NTN4: variants seen among roughly 807,000 people sequenced by gnomAD.
The protein encoded by NTN4 is netrin 4.
In NTN4, 32 loss-of-function variants were observed where a neutral mutation model predicts 73.6. That is an observed-to-expected ratio of 0.44 (90% CI 0.33 to 0.58). The LOEUF is 0.58. NTN4 is among the 20% of genes least tolerant of loss of function. The pLI, the probability that NTN4 is intolerant of heterozygous loss-of-function variation, is 0.04. For missense variants in NTN4, 654 were observed against 798.3 expected (o/e 0.82, Z 2.18); for synonymous variants, 258 against 287.5 (o/e 0.90, Z 1.04).
chr12:95,716,048 A>G (rs1243725595), intron 3 of NTN4, among the ~76,000 whole-genome samples: 1 of 151,216 alleles, frequency 6.6e-6, no homozygotes, highest in African/African-American at 2.4e-5. Context: ...TAGTAGGAAA[A>G]ACAGTTTTGT....
chr12:95,668,275 T>C (rs1020095399), intron 8 of NTN4, among the ~76,000 whole-genome samples: 1 of 152,106 alleles, frequency 6.6e-6, no homozygotes, highest in Non-Finnish European at 1.5e-5. Flanking sequence ...TCTTCTTAAG[T>C]AGAAAATTAA....
intron 7 of NTN4, chr12:95,672,589 G>T: frequency 1.3e-6 from 2 of 1,525,724 alleles, no homozygotes; most frequent in South Asian, 2.2e-5. Flanking sequence ...ATGGGGGTCT[G>T]ACCGATCTCG....
chr12:95,708,751 G>A (rs1374098655), intron 5 of NTN4, among the ~76,000 whole-genome samples: 1 of 152,030 alleles, frequency 6.6e-6, no homozygotes, highest in African/African-American at 2.4e-5. Context: ...CAGGCAATGT[G>A]CCATCTCTTT....
At chr12:95,721,586 T>G (rs1463097609) in intron 3 of NTN4, among the ~76,000 whole-genome samples, 1 of 152,132 alleles carries the variant, frequency 6.6e-6, no homozygotes, top group Non-Finnish European at 1.5e-5. Flanking sequence ...TAATTAAAGA[T>G]TTGCTCTTTG....
At chr12:95,720,760 G>A (rs1029633188) in intron 3 of NTN4, among the ~76,000 whole-genome samples, 3 of 152,174 alleles carry the variant, frequency 2.0e-5, no homozygotes, top group African/African-American at 7.2e-5. Context: ...GTCCTCATGC[G>A]TAGTGGTCAT....
intron 3 of NTN4, among the ~76,000 whole-genome samples, chr12:95,714,846 ATT>A (rs2078593783): frequency 6.6e-6 from 1 of 152,204 alleles, no homozygotes; most frequent in African/African-American, 2.4e-5. Context: ...CATCTAAAAT[ATT>A]TTGATTGTGA....
At chr12:95,686,156 G>A (rs1346684649) in intron 5 of NTN4, among the ~76,000 whole-genome samples, 1 of 152,122 alleles carries the variant, frequency 6.6e-6, no homozygotes, top group Non-Finnish European at 1.5e-5. Flanking sequence ...CCTCCCAAGT[G>A]CTGGGATTAC....
chr12:95,758,088 C>T (rs376532011), intron 2 of NTN4, among the ~76,000 whole-genome samples: 90 of 152,234 alleles, frequency 5.9e-4, no homozygotes, highest in African/African-American at 2.0e-3. Context: ...AGTTATTTTT[C>T]GTGGGTACTT....
At chr12:95,737,794 A>C in intron 3 of NTN4, 72 bp downstream of exon 3, 2 of 1,485,704 alleles carry the variant, frequency 1.3e-6, no homozygotes, top group African/African-American at 2.8e-5. Flanking sequence ...TGTTAAGCAT[A>C]TACCAACCAA....
intron 2 of NTN4, among the ~76,000 whole-genome samples, chr12:95,754,694 AC>A (rs2078936082): frequency 6.6e-6 from 1 of 151,294 alleles, no homozygotes; most frequent in African/African-American, 2.4e-5. Flanking sequence ...TGTGACCCCT[AC>A]CCCTGCCCAC....
At chr12:95,679,990 C>T (rs77545413) in intron 7 of NTN4, among the ~76,000 whole-genome samples, 3,129 of 152,190 alleles carry the variant, frequency 0.021, 107 homozygotes, top group African/African-American at 0.071. Flanking sequence ...GCCTTCTTAC[C>T]TCCTTCAGAA....
intron 2 of NTN4, among the ~76,000 whole-genome samples, chr12:95,768,232 A>G (rs4762616): frequency 0.34 from 51,936 of 151,972 alleles, 9,416 homozygotes; most frequent in East Asian, 0.63. Flanking sequence ...AGAGGTGAAC[A>G]TAGGATACTG....
At chr12:95,787,875 T>TA (rs2079181431) in intron 1 of NTN4, among the ~76,000 whole-genome samples, 1 of 152,254 alleles carries the variant, frequency 6.6e-6, no homozygotes, top group Non-Finnish European at 1.5e-5. Context: ...TCATGACTAT[T>TA]GAAAAACCAT....
At chr12:95,688,779 GAAA>G (rs3047215) in intron 5 of NTN4, among the ~76,000 whole-genome samples, 1 of 138,910 alleles carries the variant, frequency 7.2e-6, no homozygotes, top group Admixed American at 7.3e-5. Flanking sequence ...AGAAGGAGGA[GAAA>G]AAAAAAAAAG....
chr12:95,693,770 A>T (rs2078420117), intron 5 of NTN4, among the ~76,000 whole-genome samples: 1 of 151,606 alleles, frequency 6.6e-6, no homozygotes, highest in South Asian at 2.1e-4. Flanking sequence ...AAAAAAATTA[A>T]CCTATTACTC....
At chr12:95,743,776 C>T (rs536509598) in intron 2 of NTN4, among the ~76,000 whole-genome samples, 51 of 152,284 alleles carry the variant, frequency 3.3e-4, no homozygotes, top group African/African-American at 1.2e-3. Flanking sequence ...CTTGATAATG[C>T]ACCTTGTATC....
intron 2 of NTN4, among the ~76,000 whole-genome samples, chr12:95,739,231 A>G (rs1047913448): frequency 6.6e-6 from 1 of 152,192 alleles, no homozygotes; most frequent in African/African-American, 2.4e-5. Flanking sequence ...TAACTTCCTT[A>G]TGTCGGGTCT....
intron 3 of NTN4, among the ~76,000 whole-genome samples, chr12:95,717,652 T>A (rs1325199013): frequency 6.8e-6 from 1 of 147,558 alleles, no homozygotes; most frequent in African/African-American, 2.5e-5. Flanking sequence ...CAAGTAAAAC[T>A]AGGTCTTCAT....
At chr12:95,717,508 A>G (rs2078615407) in intron 3 of NTN4, among the ~76,000 whole-genome samples, 1 of 152,142 alleles carries the variant, frequency 6.6e-6, no homozygotes, top group African/African-American at 2.4e-5. Flanking sequence ...AGGAGCTGTC[A>G]TTTTGAGAAT....
Sources: allele counts gnomAD v4.1 joint callset (sites outside exome capture counted in the v4.1 genomes callset), GRCh38; gene constraint gnomAD v4.1.1; transcripts MANE v1.5; gene names NCBI Gene and HGNC (gene_info 2026-07-23, HGNC 2026-07-21).